DDX31: variants seen among roughly 807,000 people sequenced by gnomAD.
The protein encoded by DDX31 is DEAD-box helicase 31.
In DDX31, 70 loss-of-function variants were observed where a neutral mutation model predicts 91.3. The ratio of observed to expected loss-of-function variants is 0.77; its 90% CI spans 0.63 to 0.94. The LOEUF (loss-of-function observed/expected upper bound fraction) is 0.94. Among genes scored for constraint, DDX31 ranks in the 40% least tolerant of loss-of-function variants. DDX31 has a pLI of 0.00. For synonymous variants in DDX31, 362 were observed against 350.6 expected (o/e 1.03, Z -0.36); for missense variants, 902 against 925.0 (o/e 0.98, Z 0.32).
intron 19 of DDX31, among the ~76,000 whole-genome samples, chr9:132,597,594 G>C (rs747299521): frequency 5.3e-5 from 8 of 152,202 alleles, no homozygotes; most frequent in Non-Finnish European, 4.4e-5. Flanking sequence ...TAAAGAACCA[G>C]CATCTTACTG....
chr9:132,646,088 G>C lies in DDX31; in HGVS notation c.1204-17C>G, dbSNP rs1157910786. ...TTCCTCAAACTACATCGATACAAAG[G>C]GAGGAAAAACCGACATATTTTAAGA... On this transcript the variant is annotated splice_polypyrimidine_tract_variant and intron_variant, in intron 12 of 19. Coordinates refer to ENST00000372159, the MANE Select transcript of DDX31 (RefSeq NM_022779.9). 14 of 1,605,690 alleles carry C rather than the reference G, an allele frequency of 8.7e-6. No homozygotes were observed. The highest frequency in any genetic ancestry group is 3.3e-4 in the Middle Eastern group (2 of 6,044).
intron 19 of DDX31, among the ~76,000 whole-genome samples, chr9:132,604,240 G>C (rs1310267257): frequency 6.6e-6 from 1 of 152,196 alleles, no homozygotes; most frequent in African/African-American, 2.4e-5. Context: ...TGGTCCCTGA[G>C]ACTACAGGCC....
intron 17 of DDX31, among the ~76,000 whole-genome samples, chr9:132,619,152 AG>A (rs1427989388): frequency 6.6e-6 from 1 of 152,282 alleles, no homozygotes; most frequent in African/African-American, 2.4e-5. Flanking sequence ...TTAATAAAAT[AG>A]ACAATTATTT....
At chr9:132,638,042 G>A in intron 14 of DDX31, 1 of 1,187,376 alleles carries the variant, frequency 8.4e-7, no homozygotes, top group Non-Finnish European at 1.0e-6. Flanking sequence ...GAAGGTGGAG[G>A]AAAGCAGCAC....
At chr9:132,638,281 G>C in intron 14 of DDX31, 1 of 1,608,156 alleles carries the variant, frequency 6.2e-7, no homozygotes, top group Non-Finnish European at 8.5e-7. Context: ...CCGGCCATTC[G>C]GTGGTACTTC....
At chr9:132,644,669 C>G (rs528934514) in intron 13 of DDX31, among the ~76,000 whole-genome samples, 11 of 152,320 alleles carry the variant, frequency 7.2e-5, no homozygotes, top group South Asian at 6.2e-4. Flanking sequence ...CCAGCTCCCC[C>G]CAACCACGCT....
chr9:132,669,619 G>A lies in DDX31; in HGVS notation c.75+241C>T, dbSNP rs1228424223. On this transcript the variant is annotated intron_variant, in intron 1 of 19. Transcript: ENST00000372159. ...TCCTTCCTTTACTTTTCTAGGCGCA[G>A]GAGCCAGCTCCCCGCCCCTCCACAC... 6 of 1,526,892 alleles carry A rather than the reference G, an allele frequency of 3.9e-6. No homozygotes were observed. The African/African-American group carries it at 5.5e-5, about 14-fold the overall frequency. 94.6% of individuals were successfully genotyped at this position (1,526,892 alleles called of 1,614,324 possible).
chr9:132,629,611 GCA>G (rs58972039), intron 16 of DDX31, among the ~76,000 whole-genome samples: 3,037 of 152,320 alleles, frequency 0.02, 90 homozygotes, highest in African/African-American at 0.069. Context: ...GAAAAGTGTT[GCA>G]GTTTTATTTG....
At position 132,594,197 on chromosome 9, in the gene DDX31, G is replaced by A; in HGVS notation, c.*669C>T. ...AGCCAACAGTAAATCAATTAGCCCT[G>A]AGAGAGTGAGTTTTCAGTGGACATG... On this transcript the variant is annotated 3_prime_UTR_variant, in exon 20 of 20. Transcript: ENST00000372159. 2 of 152,278 alleles carry A rather than the reference G, an allele frequency of 1.3e-5. 1 individual carries two copies. 9.4% of individuals were successfully genotyped at this position (152,278 alleles called of 1,614,324 possible).
At chr9:132,600,948 G>C (rs951823071) in intron 19 of DDX31, among the ~76,000 whole-genome samples, 6 of 152,232 alleles carry the variant, frequency 3.9e-5, no homozygotes, top group African/African-American at 1.4e-4. Context: ...CAGTGCGTTA[G>C]AGAGCTCGGT....
Position 132,630,412 on chromosome 9 carries a change from G to T in DDX31, c.1492-9C>A, listed in dbSNP as rs780113834. On this transcript the variant is annotated splice_polypyrimidine_tract_variant and intron_variant, in intron 15 of 19. Transcript: ENST00000372159. ...GAAGATGGAGCGTTGTACTAAAAAG[G>T]GTAACAAAAATGAAGGCATTCATAG... 2 of 1,576,080 alleles carry T rather than the reference G, an allele frequency of 1.3e-6. No homozygotes were observed. The highest frequency in any genetic ancestry group is 1.7e-6 in the Non-Finnish European group (2 of 1,150,976).
At chr9:132,638,807 T>G (rs1379013228) in intron 14 of DDX31, among the ~76,000 whole-genome samples, 1 of 152,214 alleles carries the variant, frequency 6.6e-6, no homozygotes, top group Non-Finnish European at 1.5e-5. Context: ...GGGGGACTTT[T>G]TAACCATGAA....
intron 16 of DDX31, among the ~76,000 whole-genome samples, chr9:132,627,050 G>A (rs956189237): frequency 6.6e-6 from 1 of 152,120 alleles, no homozygotes; most frequent in African/African-American, 2.4e-5. Flanking sequence ...GGTGAAAACA[G>A]AGCCCAGTCC....
chr9:132,655,902 T>C (rs754536147), intron 6 of DDX31, among the ~76,000 whole-genome samples: 6 of 152,232 alleles, frequency 3.9e-5, no homozygotes, highest in Non-Finnish European at 8.8e-5. Context: ...CAGAGTTGTC[T>C]GTACTCAACA....
At chr9:132,662,894 G>T (rs1835071745) in intron 1 of DDX31, among the ~76,000 whole-genome samples, 199 bp from the exon 2 acceptor site, 1 of 152,096 alleles carries the variant, frequency 6.6e-6, no homozygotes, top group Non-Finnish European at 1.5e-5. Flanking sequence ...AAAGAAAAAA[G>T]AAAAAAGTCT....
At chr9:132,632,239 TGTAC>T (rs1389981230) in intron 14 of DDX31, 148 bp from the exon 15 acceptor site, 713 of 53,064 alleles carry the variant, frequency 0.013, 148 homozygotes, top group Admixed American at 0.061. Context: ...GCCCAGTACG[TGTAC>T]ACACACACAC....
At chr9:132,661,064 G>A (rs1190105940) in intron 4 of DDX31, 144 bp downstream of exon 4, 23 of 723,544 alleles carry the variant, frequency 3.2e-5, no homozygotes, top group Non-Finnish European at 5.6e-5. Flanking sequence ...GAGTAGCTAA[G>A]TGAGACGACA....
At chr9:132,601,819 T>C (rs1190449035) in intron 19 of DDX31, among the ~76,000 whole-genome samples, 1 of 152,218 alleles carries the variant, frequency 6.6e-6, no homozygotes, top group Non-Finnish European at 1.5e-5. Context: ...ATACAGGCTG[T>C]AGAACTGATT....
intron 16 of DDX31, among the ~76,000 whole-genome samples, chr9:132,626,477 T>C (rs1277965008): frequency 6.6e-6 from 1 of 152,046 alleles, no homozygotes; most frequent in African/African-American, 2.4e-5. Context: ...GGCCACAGCA[T>C]TTGAATGTAG....
Sources: allele counts gnomAD v4.1 joint callset (sites outside exome capture counted in the v4.1 genomes callset), GRCh38; gene constraint gnomAD v4.1.1; transcripts MANE v1.5; gene names NCBI Gene and HGNC (gene_info 2026-07-23, HGNC 2026-07-21).